The following HCRT variants were observed in gnomAD, a reference collection of about 807,000 sequenced individuals.
The protein encoded by HCRT is hypocretin neuropeptide precursor, also known as hypocretin (orexin) neuropeptide.
In HCRT, 5 loss-of-function variants were observed where a neutral mutation model predicts 5.7. The observed-to-expected ratio is 0.87, with a 90% CI of 0.45 to 1.83. The LOEUF is 1.83. Among genes scored for constraint, HCRT ranks in the 40% most tolerant of loss-of-function variants. The pLI is 0.02. For missense variants in HCRT, 207 were observed against 191.8 expected (o/e 1.08, Z -0.47); for synonymous variants, 114 against 99.0 (o/e 1.15, Z -0.90).
At chr17:42,184,608 C>T in intron 1 of HCRT, 80 bp from the exon 2 acceptor site, 1 of 1,438,768 alleles carries the variant, frequency 7.0e-7, no homozygotes, top group Non-Finnish European at 9.1e-7. Context: ...ACCTGCCCCT[C>T]TGGCTCCGCG....
chr17:42,184,349 G>C lies in HCRT; in HGVS notation c.201C>G (p.Gly67=), dbSNP rs1460391496. ...GGCCCGGGGGCCCGGACCTCCGCTT[G>C]CCCAGCGTGAGGATGCCGGCCGCGT... is the stretch of plus-strand genomic sequence containing the variant. ...GNHAAGILTL[G]KRRSGPPGLQ... Residue 67 remains glycine, a synonymous_variant, in exon 2 of 2, where the codon GGC becomes GGG. Coordinates refer to ENST00000293330, the MANE Select transcript of HCRT (RefSeq NM_001524.1). 3 of 1,583,424 alleles carry C rather than the reference G, an allele frequency of 1.9e-6. No individual in the cohort carries two copies. Among genetic ancestry groups the C allele is most frequent in the Non-Finnish European group, 8.5e-7 (1 of 1,170,298 alleles).
rs1430683504 is a variant in HCRT, at chr17:42,184,524, G to A, written c.26C>T (p.Ser9Phe). 6.5e-7 allele frequency: 1 copy of A among 1,531,006 alleles called. No individual in the cohort carries two copies. Among genetic ancestry groups the A allele is most frequent in the Admixed American group, 2.0e-5 (1 of 50,986 alleles). The allele number at this position is 1,531,006 out of a possible 1,614,324, so 94.8% of individuals were successfully genotyped here. A position where few individuals can be genotyped will look rare whatever the true frequency, so the allele number is the denominator to read the frequency against. Residue 9 changes from serine to phenylalanine, a missense_variant, in exon 2 of 2, where the codon TCC becomes TTC. Ser to Phe is a radical substitution (Grantham distance 155, BLOSUM62 -2). Transcript: ENST00000293330. MNLPSTKV[S>F]WAAVTLLLLL... The stretch of plus-strand genomic sequence containing the variant: ...CAGCAGTAGCGTCACGGCGGCCCAG[G>A]AGACCTAGGGAGACGGAGACAGGGC...
Position 42,184,082 on chromosome 17 carries a change from CT to C in HCRT, c.*71del. The C allele has an allele frequency of 4.1e-6, 5 of 1,233,256 alleles. No homozygotes were observed. The highest frequency in any genetic ancestry group is 4.3e-5 in the Admixed American group (1 of 23,146). 76.4% of individuals were successfully genotyped at this position (1,233,256 alleles called of 1,614,324 possible). A position where few individuals can be genotyped will look rare whatever the true frequency, so the allele number is the denominator to read the frequency against. ...ACGAATGGAGACTCGTCTTTATTGC[CT>C]TTTTTCTGGGGGCTGACGCTGGGTG... On this transcript the variant is annotated 3_prime_UTR_variant, in exon 2 of 2. Transcript: ENST00000293330.
At chr17:42,185,210 G>A in intron 1 of HCRT, 135 bp downstream of exon 1, 1 of 816,858 alleles carries the variant, frequency 1.2e-6, no homozygotes, top group Non-Finnish European at 2.1e-6. Flanking sequence ...GCCAAGGCAG[G>A]TGCTCCTGCC....
chr17:42,185,416 GTTC>G lies in HCRT; in HGVS notation c.-54_-52del, dbSNP rs761180560. 6.3e-7 allele frequency: 1 copy of G among 1,595,302 alleles called. No individual in the cohort carries two copies. The highest frequency in any genetic ancestry group is 1.1e-5 in the South Asian group (1 of 90,706). On this transcript the variant is annotated 5_prime_UTR_variant, in exon 1 of 2. Coordinates refer to ENST00000293330, the MANE Select transcript of HCRT (RefSeq NM_001524.1). ...GCCGGGAAAGGAGATGTCTGTGGTG[GTTC>G]AAAAAGCCAGGAACCTTGAGGCTGT...
In HCRT at chr17:42,184,200, G is replaced by A. The variant is rs934848266; in HGVS notation, c.350C>T (p.Ala117Val). 6 of 1,287,762 alleles carry A rather than the reference G, an allele frequency of 4.7e-6. No homozygotes were observed. Among genetic ancestry groups the A allele is most frequent in the Non-Finnish European group, 4.9e-6 (5 of 1,019,898 alleles). 79.8% of individuals were successfully genotyped at this position (1,287,762 alleles called of 1,614,324 possible). Residue 117 changes from alanine (A) to valine (V), a missense_variant, in exon 2 of 2, where the codon GCC (alanine) becomes GTC (valine). Transcript: ENST00000293330. ...PRPCLGRRCSAPAAASVAPGG... is the reference protein window; with the variant it reads ...PRPCLGRRCSVPAAASVAPGG... Reference sequence around the variant, plus strand: ...GGGCGCGACGGAGGCGGCGGCCGGGGCGGAACAGCGGCGCCCGAGGCAGGG... The same window carrying A: ...GGGCGCGACGGAGGCGGCGGCCGGGACGGAACAGCGGCGCCCGAGGCAGGG...
intron 1 of HCRT, 104 bp from the exon 2 acceptor site, chr17:42,184,632 T>A (rs989094603): frequency 7.1e-7 from 1 of 1,400,130 alleles, no homozygotes; most frequent in Non-Finnish European, 9.3e-7. Flanking sequence ...CCTCCAAGCC[T>A]GCACTCCTTT....
Position 42,185,345 on chromosome 17 carries a change from C to T in HCRT, c.21G>A (p.Lys7=), listed in dbSNP as rs1399327854. 3 of 1,613,934 alleles carry T rather than the reference C, an allele frequency of 1.9e-6. No individual in the cohort carries two copies. The highest frequency in any genetic ancestry group is 1.1e-5 in the South Asian group (1 of 91,074). MNLPST[K]VSWAAVTLLL... is the part of the protein sequence containing the mutation. ...CACCCCTCCATCCCTGGATCTTTAC[C>T]TTTGTGGAAGGAAGGTTCATGGTGT... Residue 7 remains lysine (K), a splice_region_variant and synonymous_variant, in exon 1 of 2, where the codon AAG becomes AAA. Coordinates refer to ENST00000293330, the MANE Select transcript of HCRT (RefSeq NM_001524.1).
In HCRT at chr17:42,184,463, G is replaced by C. The variant is rs745695197; in HGVS notation, c.87C>G (p.Ser29=). The C allele has an allele frequency of 1.1e-5, 18 of 1,591,692 alleles. No individual in the cohort carries two copies. The highest frequency in any genetic ancestry group is 1.5e-5 in the Non-Finnish European group (18 of 1,174,462). Residue 29 remains serine, a synonymous_variant, in exon 2 of 2, where the codon TCC becomes TCG. Transcript: ENST00000293330. ...LLLLPPALLS[S]GAAAQPLPDC... ...CGGGCAGGGGCTGTGCAGCCGCCCC[G>C]GACGACAACAGCGCGGGCGGCAGCA...
Position 42,184,116 on chromosome 17 carries a change from G to A in HCRT, c.*38C>T, listed in dbSNP as rs1453114224. The A allele has an allele frequency of 6.3e-6, 8 of 1,262,252 alleles. No individual in the cohort carries two copies. The South Asian group carries it at 2.4e-4, about 38-fold the overall frequency. 78.2% of individuals were successfully genotyped at this position (1,262,252 alleles called of 1,614,324 possible). A position where few individuals can be genotyped will look rare whatever the true frequency, so the allele number is the denominator to read the frequency against. ...GGGGGCTGACGCTGGGTGGGCAGAG[G>A]GCAGAGGCCTGGGCCAGGACAGGGC... On this transcript the variant is annotated 3_prime_UTR_variant, in exon 2 of 2. Transcript: ENST00000293330.
Position 42,184,304 on chromosome 17 carries a change from G to T in HCRT, c.246C>A (p.Arg82=). 1 of 1,519,008 alleles carries T rather than the reference G, an allele frequency of 6.6e-7. No homozygotes were observed. The highest frequency in any genetic ancestry group is 2.6e-5 in the East Asian group (1 of 38,534). The allele number at this position is 1,519,008 out of a possible 1,614,324, so 94.1% of individuals were successfully genotyped here. The change falls in exon 2 of 2, where the codon CGC becomes CGA. Residue 82 remains arginine (R), a synonymous_variant. Coordinates refer to ENST00000293330, the MANE Select transcript of HCRT (RefSeq NM_001524.1). ...GPPGLQGRLQ[R]LLQASGNHAA... ...CGTGGTTGCCGCTGGCCTGCAGGAG[G>T]CGCTGCAGCCGACCCTGGAGGCCCG...
chr17:42,184,188 G>A lies in HCRT; in HGVS notation c.362C>T (p.Ala121Val), dbSNP rs1183765251. 27 of 1,282,570 alleles carry A rather than the reference G, an allele frequency of 2.1e-5. No homozygotes were observed. The highest frequency in any genetic ancestry group is 3.1e-5 in the South Asian group (1 of 32,580). The allele number at this position is 1,282,570 out of a possible 1,614,324, so 79.4% of individuals were successfully genotyped here. The change falls in exon 2 of 2, where the codon GCC becomes GTC. Residue 121 changes from alanine to valine, a missense_variant. Ala to Val is a moderately conservative substitution (Grantham distance 64). Coordinates refer to ENST00000293330, the MANE Select transcript of HCRT (RefSeq NM_001524.1). ...GGACTGTCCTCCGGGCGCGACGGAG[G>A]CGGCGGCCGGGGCGGAACAGCGGCG... ...LGRRCSAPAAASVAPGGQSGI is the reference protein window; with the variant it reads ...LGRRCSAPAAVSVAPGGQSGI
rs1007210598 is a variant in HCRT, at chr17:42,184,214, C to A, written c.336G>T (p.Gly112=). Residue 112 remains glycine, a synonymous_variant, in exon 2 of 2, where the codon GGG becomes GGT. Transcript: ENST00000293330. ...CGGCGGCCGGGGCGGAACAGCGGCG[C>A]CCGAGGCAGGGGCGCGGCGCTGGCT... ...GAEPAPRPCL[G]RRCSAPAAAS... 2.6e-5 allele frequency: 34 copies of A among 1,304,324 alleles called. No homozygotes were observed. The African/African-American group carries it at 4.8e-4, about 18-fold the overall frequency. The allele number at this position is 1,304,324 out of a possible 1,614,324, so 80.8% of individuals were successfully genotyped here. A position where few individuals can be genotyped will look rare whatever the true frequency, so the allele number is the denominator to read the frequency against.
At position 42,184,163 on chromosome 17, in the gene HCRT, G is replaced by C. The variant is rs1217827425; in HGVS notation, c.387C>G (p.Ser129=). 3.1e-6 allele frequency: 4 copies of C among 1,286,300 alleles called. No individual in the cohort carries two copies. In the South Asian group the frequency reaches 8.9e-5, roughly 29 times the overall value. 79.7% of individuals were successfully genotyped at this position (1,286,300 alleles called of 1,614,324 possible). ...GGGCCCGAAGAACGACTCAGATCCC[G>C]GACTGTCCTCCGGGCGCGACGGAGG... The part of the protein sequence containing the change: ...AAASVAPGGQ[S]GI Residue 129 remains serine (S), a synonymous_variant, in exon 2 of 2, where the codon TCC becomes TCG. Transcript: ENST00000293330.
intron 1 of HCRT, 123 bp from the exon 2 acceptor site, chr17:42,184,651 CACTT>C (rs2079924947): frequency 7.4e-7 from 1 of 1,351,254 alleles, no homozygotes; most frequent in African/African-American, 1.5e-5. Flanking sequence ...TTCTGGCTGT[CACTT>C]AGTTCTCCTT....
At position 42,184,447 on chromosome 17, in the gene HCRT, G is replaced by A; in HGVS notation, c.103C>T (p.Pro35Ser). The stretch of plus-strand genomic sequence containing the variant: ...TTTTGACGACAGCAGTCGGGCAGGG[G>A]CTGTGCAGCCGCCCCGGACGACAAC... ...ALLSSGAAAQ[P>S]LPDCCRQKTC... The change falls in exon 2 of 2, where the codon CCC (proline) becomes TCC (serine). Residue 35 changes from proline to serine, a missense_variant. By Grantham distance (74) the Pro-to-Ser change is moderately conservative (BLOSUM62 -1). Coordinates refer to ENST00000293330, the MANE Select transcript of HCRT (RefSeq NM_001524.1). The A allele has an allele frequency of 1.3e-6, 2 of 1,596,516 alleles. No individual in the cohort carries two copies. Among genetic ancestry groups the A allele is most frequent in the East Asian group, 2.2e-5 (1 of 44,458 alleles).
chr17:42,185,416 G>GTTCA lies in HCRT; in HGVS notation c.-55_-52dup. 6.3e-7 allele frequency: 1 copy of GTTCA among 1,595,302 alleles called. No homozygotes were observed. Among genetic ancestry groups the GTTCA allele is most frequent in the Non-Finnish European group, 8.6e-7 (1 of 1,162,874 alleles). On this transcript the variant is annotated 5_prime_UTR_variant, in exon 1 of 2. It adds an upstream start codon to the 5' untranslated region. Transcript: ENST00000293330. ...GCCGGGAAAGGAGATGTCTGTGGTGGTTCAAAAAGCCAGGAACCTTGAGGC... is the reference window on the plus strand; with the variant it reads ...GCCGGGAAAGGAGATGTCTGTGGTGGTTCATTCAAAAAGCCAGGAACCTTGAGGC...
In HCRT at chr17:42,185,359, G is replaced by T; in HGVS notation, c.7C>A (p.Leu3Ile). 2.5e-6 allele frequency: 4 copies of T among 1,614,026 alleles called. No individual in the cohort carries two copies. The highest frequency in any genetic ancestry group is 3.4e-6 in the Non-Finnish European group (4 of 1,179,906). MN[L>I]PSTKVSWAAV... is the part of the protein sequence containing the mutation. The stretch of plus-strand genomic sequence containing the variant: ...TGGATCTTTACCTTTGTGGAAGGAA[G>T]GTTCATGGTGTCTGGCGCTCAGGGT... Residue 3 changes from leucine to isoleucine, a missense_variant, in exon 1 of 2, where the codon CTT becomes ATT. Transcript: ENST00000293330.
Position 42,185,258 on chromosome 17 carries a change from C to T in HCRT, c.21+87G>A, listed in dbSNP as rs914141910. ...CAGGAAAAGACCAAGAGTGGAGACA[C>T]CTTTGGCCTTTCTTCCAGCCCTCTG... On this transcript the variant is annotated intron_variant, in intron 1 of 1. Coordinates refer to ENST00000293330, the MANE Select transcript of HCRT (RefSeq NM_001524.1). 10 of 1,278,106 alleles carry T rather than the reference C, an allele frequency of 7.8e-6. No individual in the cohort carries two copies. In the African/African-American group the frequency reaches 1.3e-4, roughly 17 times the overall value. 79.2% of individuals were successfully genotyped at this position (1,278,106 alleles called of 1,614,324 possible).
Sources: allele counts gnomAD v4.1 joint callset, GRCh38; gene constraint gnomAD v4.1.1; transcripts MANE v1.5; gene names NCBI Gene and HGNC (gene_info 2026-07-23, HGNC 2026-07-21).